NOP58: variants seen among roughly 807,000 people sequenced by gnomAD.
NOP58 encodes nucleolar protein 58.
In NOP58, 44 loss-of-function variants were observed where a neutral mutation model predicts 71.2. The ratio of observed to expected loss-of-function variants is 0.62; its 90% confidence interval spans 0.49 to 0.79. NOP58 has a LOEUF of 0.79. Ranked by LOEUF, NOP58 falls within the 30% of genes least tolerant of loss-of-function variation. The probability of loss-of-function intolerance (pLI) is 0.00; values close to 1 mark genes in which losing one functional copy is unlikely to be tolerated. For missense variants in NOP58, 538 were observed against 620.2 expected, an observed-to-expected ratio of 0.87 and a Z score of 1.41; for synonymous variants, 228 against 200.3, an observed-to-expected ratio of 1.14 and a Z score of -1.17.
At chr2:202,272,990 C>T (rs1420143272) in intron 1 of NOP58, among the ~76,000 whole-genome samples, 1 of 152,048 alleles carries the variant, frequency 6.6e-6, no homozygotes, top group Non-Finnish European at 1.5e-5. Context: ...AAAAATTAGC[C>T]AGGTGTGGTG....
At chr2:202,297,963 C>A in intron 12 of NOP58, 57 bp downstream of exon 12, 3 of 1,085,550 alleles carry the variant, frequency 2.8e-6, no homozygotes, top group Non-Finnish European at 3.9e-6. Flanking sequence ...TAATTATTGA[C>A]AGTAATTTTT....
intron 6 of NOP58, among the ~76,000 whole-genome samples, chr2:202,289,528 C>T (rs56684065): frequency 0.1 from 15,853 of 152,204 alleles, 1,003 homozygotes; most frequent in South Asian, 0.24. Flanking sequence ...CGAGTTCCAT[C>T]CTCAGCCTCA....
intron 12 of NOP58, among the ~76,000 whole-genome samples, chr2:202,299,059 A>G (rs1574389979): frequency 6.9e-6 from 1 of 144,212 alleles, no homozygotes; most frequent in African/African-American, 2.6e-5. Flanking sequence ...TCCCCGGTTC[A>G]AGTTATGCTC....
At chr2:202,269,327 A>G (rs548176150) in intron 1 of NOP58, among the ~76,000 whole-genome samples, 16 of 130,090 alleles carry the variant, frequency 1.2e-4, no homozygotes, top group Admixed American at 1.2e-3. Context: ...GTGAGCCACC[A>G]TGCCTGGCCT....
intron 14 of NOP58, 92 bp from the exon 15 acceptor site, chr2:202,303,293 CT>C (rs896574534): frequency 1.9e-6 from 3 of 1,555,276 alleles, no homozygotes; most frequent in African/African-American, 2.8e-5. Flanking sequence ...CTCAAGCTTA[CT>C]TTTTTTATAG....
chr2:202,303,244 T>G, intron 14 of NOP58, 142 bp from the exon 15 acceptor site: 2 of 1,385,302 alleles, frequency 1.4e-6, no homozygotes, highest in Admixed American at 4.6e-5. Flanking sequence ...AATTTATTAC[T>G]AAAAATCAAG....
chr2:202,296,954 C>T (rs555621114), intron 10 of NOP58, among the ~76,000 whole-genome samples: 17 of 152,136 alleles, frequency 1.1e-4, no homozygotes, highest in African/African-American at 3.1e-4. Flanking sequence ...AGGATGGTCT[C>T]GATCTCCTGA....
At chr2:202,294,012 T>C (rs1386717781) in intron 9 of NOP58, among the ~76,000 whole-genome samples, 1 of 151,946 alleles carries the variant, frequency 6.6e-6, no homozygotes, top group East Asian at 1.9e-4. Context: ...TGGCAGGGGT[T>C]AATAGAAGTA....
At chr2:202,297,661 C>T in intron 11 of NOP58, 148 bp downstream of exon 11, 1 of 901,544 alleles carries the variant, frequency 1.1e-6, no homozygotes, top group Non-Finnish European at 1.7e-6. Flanking sequence ...TTAACAATTG[C>T]TATTATTTAC....
At chr2:202,286,546 A>G (rs112287457) in intron 5 of NOP58, among the ~76,000 whole-genome samples, 42 of 152,292 alleles carry the variant, frequency 2.8e-4, no homozygotes, top group African/African-American at 9.6e-4. Flanking sequence ...AAAAAGGTCT[A>G]TTTTAAAATT....
rs567668309 is a variant in NOP58 at position 202,296,969 on chromosome 2, G to A, written c.1072-410G>A. Among the ~76,000 whole-genome samples the A allele has an allele frequency of 2.6e-5, 4 of 151,974 alleles. No homozygotes were observed. The East Asian group carries it at 5.9e-4, about 22-fold the overall frequency. On this transcript the variant is annotated intron_variant, in intron 10 of 14. Transcript: ENST00000264279. ...AGGATGGTCTCGATCTCCTGACCTC[G>A]TGATCCACTCGCCTCGGCCTCCCAA...
rs1003305971 is a variant in NOP58 at position 202,284,539 on chromosome 2, G to C, written c.434+58G>C. ...TTTTATTTGATAAGCGCTTAACATA[G>C]ATCTGTTCTAAGAATGTTACAAATG... On this transcript the variant is annotated intron_variant, in intron 5 of 14. Coordinates refer to ENST00000264279, the MANE Select transcript of NOP58 (RefSeq NM_015934.5). 155 of 1,556,768 alleles carry C rather than the reference G, an allele frequency of 1.0e-4. No homozygotes were observed. The South Asian group carries it at 1.7e-3, about 17-fold the overall frequency.
At chr2:202,297,572 G>C in intron 11 of NOP58, 59 bp downstream of exon 11, 1 of 1,510,442 alleles carries the variant, frequency 6.6e-7, no homozygotes, top group Non-Finnish European at 9.1e-7. Flanking sequence ...AATAAACTGA[G>C]TAAATTTATT....
intron 2 of NOP58, 28 bp from the exon 3 acceptor site, chr2:202,277,922 T>A: frequency 7.9e-7 from 1 of 1,257,888 alleles, no homozygotes; most frequent in Non-Finnish European, 1.1e-6. Flanking sequence ...CCCAATAACA[T>A]GTTTATCTCT....
chr2:202,281,612 G>A (rs1688705461), intron 3 of NOP58, among the ~76,000 whole-genome samples: 1 of 152,030 alleles, frequency 6.6e-6, no homozygotes, highest in Non-Finnish European at 1.5e-5. Flanking sequence ...GCTAATTTTT[G>A]TATTTTTAGT....
At chr2:202,295,323 CAGAA>C (rs1197318152) in intron 9 of NOP58, among the ~76,000 whole-genome samples, 1 of 152,144 alleles carries the variant, frequency 6.6e-6, no homozygotes, top group Non-Finnish European at 1.5e-5. Context: ...GATACAATCT[CAGAA>C]AGCAGGGACC....
chr2:202,292,157 C>A (rs1483297885), intron 8 of NOP58, among the ~76,000 whole-genome samples: 1 of 150,396 alleles, frequency 6.6e-6, no homozygotes, highest in African/African-American at 2.4e-5. Flanking sequence ...CCATGCCCAG[C>A]TAATTTTTGT....
intron 1 of NOP58, among the ~76,000 whole-genome samples, chr2:202,270,748 T>TCAAAA (rs1688500279): frequency 1.3e-5 from 2 of 151,956 alleles, no homozygotes; most frequent in South Asian, 4.1e-4. Context: ...AGACCTCATC[T>TCAAAA]CAAAACAAAA....
At chr2:202,266,322 G>C (rs1688415749) in intron 1 of NOP58, among the ~76,000 whole-genome samples, 1 of 151,260 alleles carries the variant, frequency 6.6e-6, no homozygotes, top group African/African-American at 2.4e-5. Flanking sequence ...TTTTGAGATG[G>C]AGTTTCGCTC....
Sources: gnomAD v4.1 joint callset for allele counts (sites outside exome capture counted in the v4.1 genomes callset) on GRCh38, gnomAD v4.1.1 for gene constraint, MANE v1.5 for transcripts, NCBI Gene and HGNC (gene_info 2026-07-23, HGNC 2026-07-21) for gene names.